Variants in CHEK1 observed in about 807,000 individuals in gnomAD.
CHEK1 encodes the protein checkpoint kinase 1.
A neutral mutation model predicts 60.2 loss-of-function variants in CHEK1; 32 were observed. The observed-to-expected ratio is 0.53, with a 90% CI of 0.40 to 0.71. The LOEUF (loss-of-function observed/expected upper bound fraction) is 0.71, where lower values mean the gene tolerates loss of function less well. Among genes scored for constraint, CHEK1 ranks in the 30% least tolerant of loss-of-function variants. The pLI is 0.00. For synonymous variants in CHEK1, 179 were observed against 187.2 expected (o/e 0.96, Z 0.36); for missense variants, 399 against 564.6 (o/e 0.71, Z 2.97).
rs1941900970 is a variant in CHEK1, at chr11:125,656,309, C to G, written c.*989C>G. On this transcript the variant is annotated 3_prime_UTR_variant, in exon 13 of 13. Coordinates refer to ENST00000438015, the MANE Select transcript of CHEK1 (RefSeq NM_001114122.3). ...GAGGCTGTAGTGAGCTATGATTGCA[C>G]CAGTGCACTCCAGCTTGGATGACAG... 4.7e-6 allele frequency: 1 copy of G among 211,596 alleles called. No individual in the cohort carries two copies. Among genetic ancestry groups the G allele is most frequent in the Non-Finnish European group, 9.6e-6 (1 of 104,442 alleles). The allele number at this position is 211,596 out of a possible 1,614,324, so 13.1% of individuals were successfully genotyped here. A position where few individuals can be genotyped will look rare whatever the true frequency, so the allele number is the denominator to read the frequency against.
intron 5 of CHEK1, among the ~76,000 whole-genome samples, chr11:125,632,514 G>A (rs1055441174): frequency 6.6e-6 from 1 of 152,094 alleles, no homozygotes; most frequent in Non-Finnish European, 1.5e-5. Flanking sequence ...GCATTGGCTG[G>A]CATAGTGTCT....
chr11:125,671,104 G>T (rs1252521999), intron 13 of CHEK1, among the ~76,000 whole-genome samples: 1 of 152,014 alleles, frequency 6.6e-6, no homozygotes. Context: ...ACGGGGTCTT[G>T]CTGTGTTGCC....
At chr11:125,669,500 T>C (rs1942157500) in intron 13 of CHEK1, among the ~76,000 whole-genome samples, 1 of 151,140 alleles carries the variant, frequency 6.6e-6, no homozygotes, top group Non-Finnish European at 1.5e-5. Context: ...CCTAGGTATA[T>C]TTCTTTTTCT....
chr11:125,650,462 T>TTTG (rs1555073377), intron 11 of CHEK1, among the ~76,000 whole-genome samples: 1 of 150,046 alleles, frequency 6.7e-6, no homozygotes, highest in Non-Finnish European at 1.5e-5. Context: ...GTGTTTGTTT[T>TTTG]TTTTTTTTTT....
chr11:125,635,663 G>A, intron 7 of CHEK1, 130 bp downstream of exon 7: 1 of 529,302 alleles, frequency 1.9e-6, no homozygotes, highest in South Asian at 3.4e-5. Flanking sequence ...AGATAAAATA[G>A]TAACTATAAG....
At position 125,672,180 on chromosome 11, in the gene CHEK1, C is replaced by T. The variant is rs141357830; in HGVS notation, c.*28-3748C>T. ...AAAAGATTAATACCTACTTTGCATT[C>T]CTCTTTGTTGTCTCTGCCCTTGGAG... On this transcript the variant is annotated intron_variant, in intron 13 of 13. Coordinates refer to the CHEK1 transcript ENST00000428830. The T allele has an allele frequency of 2.6e-3, 410 of 157,734 alleles. 1 individual carries two copies. Among genetic ancestry groups the T allele is most frequent in the African/African-American group, 8.9e-3 (369 of 41,498 alleles). The allele number at this position is 157,734 out of a possible 1,614,324, so 9.8% of individuals were successfully genotyped here. A position where few individuals can be genotyped will look rare whatever the true frequency, so the allele number is the denominator to read the frequency against.
chr11:125,679,419 T>C (rs941032064), downstream of CHEK1, among the ~76,000 whole-genome samples: 12 of 152,196 alleles, frequency 7.9e-5, no homozygotes, highest in African/African-American at 2.4e-5. Context: ...GGTCTCGCCA[T>C]GTTGGCCAGG....
At position 125,655,719 on chromosome 11, in the gene CHEK1, G is replaced by A. The variant is rs994580634; in HGVS notation, c.*399G>A. 1.4e-5 allele frequency: 3 copies of A among 221,430 alleles called. No individual in the cohort carries two copies. The highest frequency in any genetic ancestry group is 2.7e-5 in the Non-Finnish European group (3 of 111,070). The allele number at this position is 221,430 out of a possible 1,614,324, so 13.7% of individuals were successfully genotyped here. On this transcript the variant is annotated 3_prime_UTR_variant, in exon 13 of 13. Coordinates refer to ENST00000438015, the MANE Select transcript of CHEK1 (RefSeq NM_001114122.3). Reference sequence around the variant, plus strand: ...TTCCATGTTGATTTAATTCTAAGATGAACCAATAAAGACATAATTCTTGTG... The same window carrying A: ...TTCCATGTTGATTTAATTCTAAGATAAACCAATAAAGACATAATTCTTGTG...
At chr11:125,633,108 A>G (rs1940930542) in intron 5 of CHEK1, 55 bp from the exon 6 acceptor site, 2 of 1,471,212 alleles carry the variant, frequency 1.4e-6, no homozygotes, top group Admixed American at 2.5e-5. Flanking sequence ...TCCTGTAAGT[A>G]TATCTATTTG....
chr11:125,629,980 TC>T (rs1940801416), intron 5 of CHEK1, among the ~76,000 whole-genome samples: 1 of 152,000 alleles, frequency 6.6e-6, no homozygotes, highest in African/African-American at 2.4e-5. Context: ...AGCCTTAGCC[TC>T]CCAGAGTGTT....
chr11:125,625,440 A>G lies in CHEK1; in HGVS notation c.-593A>G. 1 of 314,696 alleles carries G rather than the reference A, an allele frequency of 3.2e-6. No individual in the cohort carries two copies. Among genetic ancestry groups the G allele is most frequent in the Non-Finnish European group, 5.9e-6 (1 of 169,620 alleles). 19.5% of individuals were successfully genotyped at this position (314,696 alleles called of 1,614,324 possible). On this transcript the variant is annotated 5_prime_UTR_variant, in exon 1 of 13. Transcript: ENST00000438015. ...CACGGAGTTCCTCCCATTTCTTCAC[A>G]GTCGGCTCTCAGCAGCTGCTGCTGG...
In CHEK1 at chr11:125,625,850, A is replaced by G. The variant is rs995998550; in HGVS notation, c.-183A>G. On this transcript the variant is annotated 5_prime_UTR_variant, in exon 1 of 13. Coordinates refer to ENST00000438015, the MANE Select transcript of CHEK1 (RefSeq NM_001114122.3). Reference sequence around the variant, plus strand: ...GCGGGAGCGGCAACATCTCCACGTCACCCTTTTGGAGCCGCCGACATTCAG... The same window carrying G: ...GCGGGAGCGGCAACATCTCCACGTCGCCCTTTTGGAGCCGCCGACATTCAG... 1.6e-5 allele frequency: 11 copies of G among 702,370 alleles called. No homozygotes were observed. The highest frequency in any genetic ancestry group is 2.6e-5 in the Non-Finnish European group (10 of 384,974). 43.5% of individuals were successfully genotyped at this position (702,370 alleles called of 1,614,324 possible). A position where few individuals can be genotyped will look rare whatever the true frequency, so the allele number is the denominator to read the frequency against.
intron 13 of CHEK1, among the ~76,000 whole-genome samples, chr11:125,675,315 C>T (rs994999549): frequency 1.3e-5 from 2 of 152,184 alleles, no homozygotes; most frequent in African/African-American, 4.8e-5. Context: ...ATGTGCCTTT[C>T]TTAAGACACA....
At position 125,626,011 on chromosome 11, in the gene CHEK1, C is replaced by T. The variant is rs1203819914; in HGVS notation, c.-22C>T. On this transcript the variant is annotated splice_region_variant and 5_prime_UTR_variant, in exon 1 of 13. Transcript: ENST00000438015. ...CTGCAGTGGTGGGCAAAGGACAGTC[C>T]GGTGAGGAAGGGCGGCCGGTAGAGT... 4 of 697,586 alleles carry T rather than the reference C, an allele frequency of 5.7e-6. No individual in the cohort carries two copies. Among genetic ancestry groups the T allele is most frequent in the East Asian group, 2.7e-5 (1 of 37,118 alleles). The allele number at this position is 697,586 out of a possible 1,614,324, so 43.2% of individuals were successfully genotyped here.
At chr11:125,642,286 C>T (rs138459559) in intron 8 of CHEK1, among the ~76,000 whole-genome samples, 5 of 152,294 alleles carry the variant, frequency 3.3e-5, no homozygotes, top group African/African-American at 1.2e-4. Context: ...TGTGGACATA[C>T]GCAATCCAAC....
At position 125,633,304 on chromosome 11, in the gene CHEK1, T is replaced by C. The variant is rs1396311668; in HGVS notation, c.566T>C (p.Val189Ala). The C allele has an allele frequency of 2.5e-6, 4 of 1,605,908 alleles. No individual in the cohort carries two copies. The Admixed American group carries it at 5.2e-5, about 21-fold the overall frequency. Reference sequence around the variant, plus strand: ...AGAAGAGAATTTCATGCAGAACCAGTTGATGTTTGGTCCTGTGGAATAGTA... The same window carrying C: ...AGAAGAGAATTTCATGCAGAACCAGCTGATGTTTGGTCCTGTGGAATAGTA... ...LKRREFHAEP[V>A]DVWSCGIVLT... The change falls in exon 6 of 13, where the codon GTT (valine) becomes GCT (alanine). Residue 189 changes from valine to alanine, a missense_variant. Transcript: ENST00000438015.
intron 13 of CHEK1, chr11:125,672,475 C>G (rs1176716098): frequency 6.6e-6 from 8 of 1,209,586 alleles, no homozygotes; most frequent in Non-Finnish European, 1.2e-6. Context: ...TCCTAATGCT[C>G]AGGCAGAGGC....
Position 125,655,355 on chromosome 11 carries a change from T to C in CHEK1, c.*35T>C. ...CGGCTCTGGGGAATCCTGGTGAATA[T>C]AGTGCTGCTATGTTGACATTATTCT... On this transcript the variant is annotated 3_prime_UTR_variant, in exon 13 of 13. Coordinates refer to ENST00000438015, the MANE Select transcript of CHEK1 (RefSeq NM_001114122.3). 7.1e-7 allele frequency: 1 copy of C among 1,400,512 alleles called. No individual in the cohort carries two copies. The highest frequency in any genetic ancestry group is 1.2e-5 in the South Asian group (1 of 85,022). The allele number at this position is 1,400,512 out of a possible 1,614,324, so 86.8% of individuals were successfully genotyped here.
At position 125,633,149 on chromosome 11, in the gene CHEK1, T is replaced by C; in HGVS notation, c.425-14T>C. On this transcript the variant is annotated splice_polypyrimidine_tract_variant and intron_variant, in intron 5 of 12. Coordinates refer to ENST00000438015, the MANE Select transcript of CHEK1 (RefSeq NM_001114122.3). ...CATTTTTATTCAGTGTCATCTTTTT[T>C]TCTTTTGGTTTAGATAACCTCAAAA... 2 of 1,552,208 alleles carry C rather than the reference T, an allele frequency of 1.3e-6. No homozygotes were observed. Among genetic ancestry groups the C allele is most frequent in the East Asian group, 4.8e-5 (2 of 41,976 alleles).
Sources: gnomAD v4.1 joint callset for allele counts (sites outside exome capture counted in the v4.1 genomes callset) on GRCh38, gnomAD v4.1.1 for gene constraint, MANE v1.5 for transcripts, NCBI Gene and HGNC (gene_info 2026-07-23, HGNC 2026-07-21) for gene names.